Variants in SYNE1 observed in about 807,000 individuals in gnomAD.
SYNE1 encodes spectrin repeat containing nuclear envelope protein 1, also known as nesprin-1.
SYNE1 carries 616 observed loss-of-function variants against 1,111.0 expected under a neutral mutation model. That is an observed-to-expected ratio of 0.55 (90% CI 0.52 to 0.59). SYNE1 has a LOEUF of 0.59. Ranked by LOEUF, SYNE1 falls within the 20% of genes least tolerant of loss-of-function variation. The pLI, the probability that SYNE1 is intolerant of heterozygous loss-of-function variation, is 0.00. For synonymous variants in SYNE1, 3,855 were observed against 3,825.8 expected (o/e 1.01, Z -0.28); for missense variants, 10,006 against 10,417.0 (o/e 0.96, Z 1.72).
At chr6:152,323,031 G>T (rs189775570) in intron 82 of SYNE1, among the ~76,000 whole-genome samples, 16 of 152,268 alleles carry the variant, frequency 1.1e-4, no homozygotes, top group Non-Finnish European at 2.4e-4. Flanking sequence ...TCAGACAAAC[G>T]ATTGAAGAGT....
intron 14 of SYNE1, among the ~76,000 whole-genome samples, chr6:152,473,447 T>C (rs1319628392): frequency 6.6e-6 from 1 of 152,206 alleles, no homozygotes; most frequent in Non-Finnish European, 1.5e-5. Flanking sequence ...ATGTTCAGGT[T>C]TGTATATGCT....
chr6:152,255,276 C>T (rs930992479), intron 103 of SYNE1, among the ~76,000 whole-genome samples, 187 bp from the exon 104 acceptor site: 12 of 152,156 alleles, frequency 7.9e-5, no homozygotes, highest in Admixed American at 7.2e-4. Context: ...GACTTTACCT[C>T]ATTCACTAGT....
intron 66 of SYNE1, among the ~76,000 whole-genome samples, chr6:152,356,067 A>T (rs546180640): frequency 6.6e-6 from 1 of 152,278 alleles, no homozygotes; most frequent in Non-Finnish European, 1.5e-5. Flanking sequence ...TTTTTTCAAG[A>T]TAATTTTTTA....
In SYNE1 at chr6:152,339,240, C is replaced by T. The variant is rs1337751426; in HGVS notation, c.12351+1G>A. ...TTCAATGTGATTTTTCATTTTCTTA[C>T]CGTTTGCTCTGTTTGTTGAATGTCT... On this transcript the variant is annotated splice_donor_variant, in intron 75 of 145. Coordinates refer to ENST00000367255, the MANE Select transcript of SYNE1 (RefSeq NM_182961.4). LOFTEE classifies it high-confidence loss of function. 6.2e-7 allele frequency: 1 copy of T among 1,613,276 alleles called. No homozygotes were observed. The highest frequency in any genetic ancestry group is 8.5e-7 in the Non-Finnish European group (1 of 1,179,542).
intron 98 of SYNE1, among the ~76,000 whole-genome samples, chr6:152,269,708 C>T (rs1367738130): frequency 6.6e-6 from 1 of 152,104 alleles, no homozygotes; most frequent in Non-Finnish European, 1.5e-5. Flanking sequence ...ATTACCCTGC[C>T]TTATGTCACT....
chr6:152,398,535 T>C (rs1326136587), intron 49 of SYNE1, 84 bp downstream of exon 49: 3 of 1,127,590 alleles, frequency 2.7e-6, no homozygotes, highest in African/African-American at 3.1e-5. Flanking sequence ...TCAGATAAGA[T>C]TTGGGAAATG....
At chr6:152,173,665 G>A (rs891451355) in intron 130 of SYNE1, among the ~76,000 whole-genome samples, 1 of 152,200 alleles carries the variant, frequency 6.6e-6, no homozygotes, top group African/African-American at 2.4e-5. Flanking sequence ...CTCTAACATG[G>A]TGTTAAACTC....
chr6:152,247,750 T>TATACACACAC lies in SYNE1; in HGVS notation c.19572+1410_19572+1411insGTGTGTGTAT, dbSNP rs1432898834. ...TATTATATATATATATATATATATA[T>TATACACACAC]ACACACACACACACACACACACACA... On this transcript the variant is annotated intron_variant, in intron 105 of 145. Coordinates refer to ENST00000367255, the MANE Select transcript of SYNE1 (RefSeq NM_182961.4). Among the ~76,000 whole-genome samples, 557 of 112,340 alleles carry TATACACACAC rather than the reference T, an allele frequency of 5.0e-3. 4 individuals carry two copies. Among genetic ancestry groups the TATACACACAC allele is most frequent in the Middle Eastern group, 9.2e-3 (2 of 218 alleles). The allele number at this position is 112,340 out of a possible 152,430, so 73.7% of individuals were successfully genotyped here. A position where few individuals can be genotyped will look rare whatever the true frequency, so the allele number is the denominator to read the frequency against.
Position 152,427,742 on chromosome 6 carries a change from T to A in SYNE1, c.5051A>T (p.Asp1684Val). The A allele has an allele frequency of 1.2e-6, 2 of 1,614,076 alleles. No individual in the cohort carries two copies. Among genetic ancestry groups the A allele is most frequent in the Non-Finnish European group, 1.7e-6 (2 of 1,179,914 alleles). ...GEAKASSPEM[D>V]ISADRVKVEG... ...CACTTTGACTCTGTCTGCAGAAATG[T>A]CCATTTCTGGGGAACTGGCTTTAGC... Residue 1684 changes from aspartate (D) to valine (V), a missense_variant, in exon 38 of 146, where the codon GAC becomes GTC. Transcript: ENST00000367255.
intron 129 of SYNE1, among the ~76,000 whole-genome samples, chr6:152,178,054 C>A (rs951759627): frequency 2.6e-5 from 4 of 151,856 alleles, no homozygotes; most frequent in African/African-American, 9.7e-5. Context: ...AAAAAAAACC[C>A]ATGAGTTATT....
intron 98 of SYNE1, among the ~76,000 whole-genome samples, chr6:152,269,695 A>G (rs1331750889): frequency 6.6e-6 from 1 of 152,160 alleles, no homozygotes; most frequent in African/African-American, 2.4e-5. Context: ...CTCCCGTGAA[A>G]GCATTACCCT....
rs185378552 is a variant in SYNE1 at position 152,331,765 on chromosome 6, T to C, written c.12920A>G (p.Asn4307Ser). ...TTTGACTAACTCCTTGTCATCTAAA[T>C]TCAGATGCTCTATCATTTTCTGCTT... ...DQKQKMIEHL[N>S]LDDKELVKEQ... The change falls in exon 78 of 146, where the codon AAT becomes AGT. Residue 4307 changes from asparagine (N) to serine (S), a missense_variant. Physicochemically the swap from Asn to Ser is conservative, Grantham distance 46 (BLOSUM62 1). Transcript: ENST00000367255. 2 of 1,614,218 alleles carry C rather than the reference T, an allele frequency of 1.2e-6. No individual in the cohort carries two copies. The highest frequency in any genetic ancestry group is 2.2e-5 in the East Asian group (1 of 44,888).
chr6:152,460,258 G>C (rs1466602638), intron 21 of SYNE1, among the ~76,000 whole-genome samples: 1 of 152,092 alleles, frequency 6.6e-6, no homozygotes, highest in East Asian at 1.9e-4. Context: ...TTGTTTAGCA[G>C]CTTTTACTAG....
In SYNE1 at chr6:152,395,518, T is replaced by C. The variant is rs1563678346; in HGVS notation, c.7710A>G (p.Ala2570=). Residue 2570 remains alanine (A), a splice_region_variant and synonymous_variant, in exon 51 of 146, where the codon GCA becomes GCG. Coordinates refer to ENST00000367255, the MANE Select transcript of SYNE1 (RefSeq NM_182961.4). ...CCTGTTCCATTTCTGGACCATACCT[T>C]GCAGCCAGCAGTTCTCCCAAAAACA... ...VEMFLGELLA[A]RESLDKLSQR... is the part of the protein sequence containing the mutation. 1 of 1,613,562 alleles carries C rather than the reference T, an allele frequency of 6.2e-7. No individual in the cohort carries two copies. Among genetic ancestry groups the C allele is most frequent in the Non-Finnish European group, 8.5e-7 (1 of 1,179,818 alleles).
rs148696187 is a variant in SYNE1 at position 152,488,448 on chromosome 6, C to T, written c.995G>A (p.Arg332Lys). Residue 332 changes from arginine to lysine, a missense_variant, in exon 12 of 146, where the codon AGA (arginine) becomes AAA (lysine). By Grantham distance (26) the Arg-to-Lys change is conservative. Coordinates refer to ENST00000367255, the MANE Select transcript of SYNE1 (RefSeq NM_182961.4). Reference protein sequence around the residue: ...EMKVWIEQFERDLTRAQMVES... With the variant: ...EMKVWIEQFEKDLTRAQMVES... ...CACCATCTGTGCTCTTGTCAAATCTCTCTCAAATTGTTCTATCCAAACTTT... is the reference window on the plus strand; with the variant it reads ...CACCATCTGTGCTCTTGTCAAATCTTTCTCAAATTGTTCTATCCAAACTTT... 4 of 1,609,892 alleles carry T rather than the reference C, an allele frequency of 2.5e-6. No homozygotes were observed. In the African/African-American group the frequency reaches 5.3e-5, roughly 22 times the overall value.
intron 3 of SYNE1, among the ~76,000 whole-genome samples, chr6:152,567,295 T>C (rs1202034270): frequency 6.6e-6 from 1 of 152,144 alleles, no homozygotes; most frequent in Non-Finnish European, 1.5e-5. Flanking sequence ...CATTTGTAGA[T>C]GGATGAATGC....
chr6:152,519,415 C>G (rs186048121), intron 6 of SYNE1, among the ~76,000 whole-genome samples: 88 of 152,242 alleles, frequency 5.8e-4, no homozygotes, highest in Middle Eastern at 3.4e-3. Flanking sequence ...TAAAAAGGTA[C>G]AGGTGCAAGC....
rs572899073 is a variant in SYNE1 at position 152,300,065 on chromosome 6, T to C, written c.17682+576A>G. ...GCTTCTTATAACTAAATGGTTATTT[T>C]ATTTTCCCCATTTTATAGAAAATAA... On this transcript the variant is annotated intron_variant, in intron 93 of 145. Coordinates refer to ENST00000367255, the MANE Select transcript of SYNE1 (RefSeq NM_182961.4). 2.2e-3 allele frequency among the ~76,000 whole-genome samples: 328 copies of C among 152,364 alleles called. 2 individuals carry two copies. Among genetic ancestry groups the C allele is most frequent in the African/African-American group, 7.3e-3 (304 of 41,592 alleles).
intron 3 of SYNE1, among the ~76,000 whole-genome samples, chr6:152,625,413 C>T (rs1488956868): frequency 3.3e-5 from 5 of 152,226 alleles, no homozygotes; most frequent in Admixed American, 6.5e-5. Context: ...CGCCAGATCA[C>T]TTTCACTTCC....
Sources: gnomAD v4.1 joint callset for allele counts (sites outside exome capture counted in the v4.1 genomes callset) on GRCh38, gnomAD v4.1.1 for gene constraint, MANE v1.5 for transcripts, NCBI Gene and HGNC (gene_info 2026-07-23, HGNC 2026-07-21) for gene names.